SH3PXD2B: variants seen among roughly 807,000 people sequenced by gnomAD.
The protein encoded by SH3PXD2B is SH3 and PX domain-containing protein 2B.
In SH3PXD2B, 37 loss-of-function variants were observed where a neutral mutation model predicts 73.1. The observed-to-expected ratio is 0.51, with a 90% confidence interval of 0.39 to 0.67. SH3PXD2B has a LOEUF of 0.67. SH3PXD2B is among the 30% of genes least tolerant of loss of function. The probability of loss-of-function intolerance (pLI) is 0.00; values close to 1 mark genes in which losing one functional copy is unlikely to be tolerated. For missense variants in SH3PXD2B, 1,053 were observed against 1,197.8 expected (o/e 0.88, Z 1.78); for synonymous variants, 457 against 480.5 (o/e 0.95, Z 0.64).
At chr5:172,344,949 T>C (rs1756956561) in intron 12 of SH3PXD2B, among the ~76,000 whole-genome samples, 3 of 134,496 alleles carry the variant, frequency 2.2e-5, no homozygotes, top group Admixed American at 8.0e-5. Context: ...GGAAGGAGGA[T>C]GGAGGAAAGG....
chr5:172,348,852 G>A (rs982170455), intron 10 of SH3PXD2B, among the ~76,000 whole-genome samples: 5 of 152,036 alleles, frequency 3.3e-5, no homozygotes, highest in Admixed American at 2.6e-4. Context: ...GACTACAGGT[G>A]TGTGCCACCA....
chr5:172,359,276 AC>A (rs765446197), intron 7 of SH3PXD2B, among the ~76,000 whole-genome samples: 1 of 150,210 alleles, frequency 6.7e-6, no homozygotes, highest in African/African-American at 2.5e-5. Context: ...AGTCCCAGCT[AC>A]TCGGGAGGCT....
At position 172,338,607 on chromosome 5, in the gene SH3PXD2B, C is replaced by G. The variant is rs750761356; in HGVS notation, c.2498G>C (p.Gly833Ala). The change falls in exon 13 of 13, where the codon GGA becomes GCA. Residue 833 changes from glycine to alanine, a missense_variant. Physicochemically the swap from Gly to Ala is moderately conservative, Grantham distance 60 (BLOSUM62 0). Coordinates refer to ENST00000311601, the MANE Select transcript of SH3PXD2B (RefSeq NM_001017995.3). The surrounding 1 kb of genome is among the most constrained non-coding windows in gnomAD (Gnocchi z 5.1). ...SLGPWGTGKI[G>A]ENREKAAAAS... ...TGCAGCTGCTTTCTCCCTGTTTTCT[C>G]CAATCTTGCCGGTCCCCCATGGCCC... The G allele has an allele frequency of 6.2e-7, 1 of 1,614,126 alleles. No individual in the cohort carries two copies. The highest frequency in any genetic ancestry group is 2.2e-5 in the East Asian group (1 of 44,874).
intron 10 of SH3PXD2B, among the ~76,000 whole-genome samples, chr5:172,349,611 T>C (rs1687987077): frequency 1.3e-5 from 2 of 152,110 alleles, no homozygotes; most frequent in Admixed American, 1.3e-4. Flanking sequence ...ACTCCCCAGG[T>C]TCAAGTCCCC....
chr5:172,384,414 T>C (rs1174540111), intron 4 of SH3PXD2B, among the ~76,000 whole-genome samples: 5 of 152,194 alleles, frequency 3.3e-5, no homozygotes, highest in Admixed American at 3.3e-4. Context: ...GTGCATTAAG[T>C]ATTTAATGCA....
At chr5:172,365,469 G>C (rs1757494057) in intron 6 of SH3PXD2B, among the ~76,000 whole-genome samples, 1 of 152,228 alleles carries the variant, frequency 6.6e-6, no homozygotes, top group Admixed American at 6.5e-5. Flanking sequence ...GGAGGAAGAA[G>C]GGTGGTCTGA....
chr5:172,376,018 GT>G (rs1757813279), intron 5 of SH3PXD2B, among the ~76,000 whole-genome samples: 1 of 150,154 alleles, frequency 6.7e-6, no homozygotes, highest in African/African-American at 2.5e-5. Context: ...GACAATACTT[GT>G]CATGTATCTT....
Position 172,350,394 on chromosome 5 carries a change from G to A in SH3PXD2B, c.981C>T (p.Gly327=), listed in dbSNP as rs778396093. The part of the protein sequence containing the change: ...LSSQRDGRFE[G]RPVPDGDAKQ... ...TGGCGTCACCGTCGGGCACCGGGCG[G>A]CCTTCAAACCGCCCGTCCCTCTGGC... is the stretch of plus-strand genomic sequence containing the variant. The change falls in exon 10 of 13, where the codon GGC becomes GGT. Residue 327 remains glycine, a synonymous_variant. Transcript: ENST00000311601. The A allele has an allele frequency of 6.2e-7, 1 of 1,613,862 alleles. No individual in the cohort carries two copies. Among genetic ancestry groups the A allele is most frequent in the South Asian group, 1.1e-5 (1 of 91,060 alleles).
At position 172,338,270 on chromosome 5, in the gene SH3PXD2B, C is replaced by G; in HGVS notation, c.*99G>C. On this transcript the variant is annotated 3_prime_UTR_variant, in exon 13 of 13. Transcript: ENST00000311601. The surrounding 1 kb of genome is among the most constrained non-coding windows in gnomAD (Gnocchi z 5.1). ...TCACAGTACCCCAGAGTCTGTCTGC[C>G]TTGGAAGCTGCGTGGAGAATGATAA... The G allele has an allele frequency of 6.2e-7, 1 of 1,603,774 alleles. No individual in the cohort carries two copies. Among genetic ancestry groups the G allele is most frequent in the East Asian group, 2.2e-5 (1 of 44,570 alleles).
intron 2 of SH3PXD2B, among the ~76,000 whole-genome samples, chr5:172,413,159 G>C (rs1758741096): frequency 6.6e-6 from 1 of 152,226 alleles, no homozygotes; most frequent in African/African-American, 2.4e-5. Context: ...AGTGGAGAAA[G>C]GCCTGGGGCC....
At position 172,454,334 on chromosome 5, in the gene SH3PXD2B, T is replaced by A; in HGVS notation, c.19A>T (p.Ile7Phe). ...ACGTCTAGCACCTTCACCTCCACGATGCTGCGCCGCGGCGGCATGGCCGCT... is the reference window on the plus strand; with the variant it reads ...ACGTCTAGCACCTTCACCTCCACGAAGCTGCGCCGCGGCGGCATGGCCGCT... MPPRRS[I>F]VEVKVLDVQK... Residue 7 changes from isoleucine to phenylalanine, a missense_variant, in exon 1 of 13, where the codon ATC (isoleucine) becomes TTC (phenylalanine). This residue lies in a region of SH3PXD2B where 466 missense variants were observed against 607.1 expected (regional missense o/e 0.77). Transcript: ENST00000311601. 6.5e-7 allele frequency: 1 copy of A among 1,540,156 alleles called. No homozygotes were observed.
intron 3 of SH3PXD2B, among the ~76,000 whole-genome samples, chr5:172,398,770 T>G (rs183989556): frequency 6.6e-6 from 1 of 152,222 alleles, no homozygotes. Context: ...GCTGTCTAAC[T>G]TGTTTTCTAC....
intron 6 of SH3PXD2B, among the ~76,000 whole-genome samples, chr5:172,368,639 G>A (rs1409131390): frequency 0.011 from 100 of 9,262 alleles, 20 homozygotes; most frequent in Middle Eastern, 0.11. Context: ...TAATATATAT[G>A]TTATATATAT....
chr5:172,369,213 T>TTTTG (rs1554137136), intron 6 of SH3PXD2B, among the ~76,000 whole-genome samples: 3 of 150,896 alleles, frequency 2.0e-5, no homozygotes, highest in Non-Finnish European at 2.9e-5. Context: ...TTATGTATTT[T>TTTTG]TTTTGTTTTG....
chr5:172,385,514 C>T lies in SH3PXD2B; in HGVS notation c.310-3387G>A, dbSNP rs185267927. 3.0e-3 allele frequency among the ~76,000 whole-genome samples: 453 copies of T among 152,336 alleles called. 7 individuals carry two copies. Among genetic ancestry groups the T allele is most frequent in the Admixed American group, 0.024 (360 of 15,302 alleles). Reference sequence around the variant, plus strand: ...GTGGCAGCTGTTCCTCCTTCACCTTCCCTACGTGCCTAGACAGTGCTGGGG... The same window carrying T: ...GTGGCAGCTGTTCCTCCTTCACCTTTCCTACGTGCCTAGACAGTGCTGGGG... On this transcript the variant is annotated intron_variant, in intron 4 of 12. Transcript: ENST00000311601.
Position 172,338,075 on chromosome 5 carries a change from G to A in SH3PXD2B, c.*294C>T. 7.5e-7 allele frequency: 1 copy of A among 1,328,112 alleles called. No homozygotes were observed. Among genetic ancestry groups the A allele is most frequent in the South Asian group, 1.5e-5 (1 of 64,576 alleles). 82.3% of individuals were successfully genotyped at this position (1,328,112 alleles called of 1,614,324 possible). A position where few individuals can be genotyped will look rare whatever the true frequency, so the allele number is the denominator to read the frequency against. On this transcript the variant is annotated 3_prime_UTR_variant, in exon 13 of 13. Transcript: ENST00000311601. This position sits in a 1 kb window ranked among gnomAD's most constrained non-coding sequence, Gnocchi z 5.1. ...TTGGAGAGTCTTGGTCCCACTGCTGGGTGGCAATGCCATTGGCCAGGAGGA... is the reference window on the plus strand; with the variant it reads ...TTGGAGAGTCTTGGTCCCACTGCTGAGTGGCAATGCCATTGGCCAGGAGGA...
chr5:172,350,036 G>A (rs1757124219), intron 10 of SH3PXD2B, among the ~76,000 whole-genome samples: 2 of 152,206 alleles, frequency 1.3e-5, no homozygotes, highest in Admixed American at 6.5e-5. Context: ...TGTATTTTTA[G>A]TAGAGACGGG....
chr5:172,372,398 T>C (rs565651700), intron 6 of SH3PXD2B, among the ~76,000 whole-genome samples: 3 of 152,272 alleles, frequency 2.0e-5, no homozygotes, highest in Non-Finnish European at 2.9e-5. Flanking sequence ...CCTTCCATCA[T>C]GATGGAAAGC....
chr5:172,354,108 A>G (rs1037440560), intron 8 of SH3PXD2B, 103 bp from the exon 9 acceptor site: 120 of 1,178,956 alleles, frequency 1.0e-4, no homozygotes, highest in South Asian at 5.2e-4. Flanking sequence ...GATTTCCTTC[A>G]GAGATTTCTG....
Sources: gnomAD v4.1 joint callset for allele counts (sites outside exome capture counted in the v4.1 genomes callset) on GRCh38, gnomAD v4.1.1 for gene constraint, gnomAD v4.1.1 regional missense constraint, Gnocchi (gnomAD v3.1) non-coding constraint, MANE v1.5 for transcripts, NCBI Gene and HGNC (gene_info 2026-07-23, HGNC 2026-07-21) for gene names.